RANBP2: variants seen among roughly 807,000 people sequenced by gnomAD.
RANBP2 encodes RAN binding protein 2.
Under a neutral mutation model 303.6 loss-of-function variants are expected in RANBP2, and 57 were observed. The observed-to-expected ratio is 0.19, with a 90% CI of 0.15 to 0.23. The LOEUF (loss-of-function observed/expected upper bound fraction) is 0.23, where lower values mean the gene tolerates loss of function less well. Among genes scored for constraint, RANBP2 ranks in the 10% least tolerant of loss-of-function variants. The pLI is 1.00. For missense variants in RANBP2, 3,138 were observed against 3,780.8 expected, an observed-to-expected ratio of 0.83 and a Z score of 4.46; for synonymous variants, 1,167 against 1,301.5, an observed-to-expected ratio of 0.90 and a Z score of 2.23.
the RANBP2 span, among the ~76,000 whole-genome samples, chr2:109,340,734 C>T: frequency 6.6e-6 from 1 of 152,162 alleles, no homozygotes; most frequent in Non-Finnish European, 1.5e-5. Flanking sequence ...TTATTCTCAG[C>T]ATACTAAGAA....
chr2:109,606,210 A>G, the RANBP2 span, among the ~76,000 whole-genome samples: 1 of 152,112 alleles, frequency 6.6e-6, no homozygotes, highest in African/African-American at 2.4e-5. Context: ...AAGTCAAGAG[A>G]TTGAGACCAC....
At chr2:109,355,031 G>C in the RANBP2 span, among the ~76,000 whole-genome samples, 1 of 152,192 alleles carries the variant, frequency 6.6e-6, no homozygotes, top group Non-Finnish European at 1.5e-5. Flanking sequence ...TATGTTCACA[G>C]CTCAGGCTTA....
the RANBP2 span, among the ~76,000 whole-genome samples, chr2:109,419,321 T>C: frequency 6.6e-6 from 1 of 152,168 alleles, no homozygotes; most frequent in African/African-American, 2.4e-5. Flanking sequence ...CTCCCTGAGC[T>C]GCTGGGAAGG....
the RANBP2 span, among the ~76,000 whole-genome samples, chr2:109,627,411 G>T: frequency 2.0e-5 from 3 of 152,152 alleles, no homozygotes; most frequent in African/African-American, 4.8e-5. Flanking sequence ...TGGCCGGGAT[G>T]GTTTCGAACC....
chr2:109,739,105 T>C, the RANBP2 span, among the ~76,000 whole-genome samples: 2 of 128,300 alleles, frequency 1.6e-5, no homozygotes, highest in African/African-American at 6.3e-5. Flanking sequence ...TTCTGTTCCA[T>C]TGGTCTATGT....
intron 1 of RANBP2, chr2:108,719,954 C>T (rs921437963): frequency 1.5e-5 from 15 of 985,270 alleles, no homozygotes; most frequent in Non-Finnish European, 1.7e-5. Context: ...CTGGGGCCGC[C>T]CTGGCCCGGG....
the RANBP2 span, among the ~76,000 whole-genome samples, chr2:109,554,258 A>G: frequency 6.6e-6 from 1 of 152,206 alleles, no homozygotes; most frequent in East Asian, 1.9e-4. Flanking sequence ...TCCTACCACG[A>G]TGTAATTCAA....
chr2:109,321,322 T>G, the RANBP2 span, among the ~76,000 whole-genome samples: 1 of 152,368 alleles, frequency 6.6e-6, no homozygotes, highest in South Asian at 2.1e-4. Context: ...AGAGCAAATG[T>G]GGCATGCAGA....
chr2:108,833,894 ATT>A, the RANBP2 span, among the ~76,000 whole-genome samples: 2 of 79,220 alleles, frequency 2.5e-5, no homozygotes, highest in African/African-American at 5.0e-5. Context: ...CGCCCGGCTA[ATT>A]TTTTTTTTTT....
chr2:109,390,475 G>T, the RANBP2 span, among the ~76,000 whole-genome samples: 1 of 151,898 alleles, frequency 6.6e-6, no homozygotes, highest in African/African-American at 2.4e-5. Flanking sequence ...CTTCTGGCAG[G>T]TCTTAATACT....
chr2:108,720,870 A>G (rs1694178443), intron 1 of RANBP2, among the ~76,000 whole-genome samples: 1 of 152,102 alleles, frequency 6.6e-6, no homozygotes, highest in South Asian at 2.1e-4. Flanking sequence ...ACATGTTGAT[A>G]CCTCGTCTCT....
chr2:108,744,568 TC>T (rs1222857889), intron 7 of RANBP2, among the ~76,000 whole-genome samples: 6 of 152,178 alleles, frequency 3.9e-5, no homozygotes, highest in Non-Finnish European at 5.9e-5. Context: ...ACATTTTGTT[TC>T]TTATTTTGTG....
the RANBP2 span, among the ~76,000 whole-genome samples, chr2:108,951,451 T>C: frequency 1.3e-5 from 2 of 152,222 alleles, no homozygotes. Flanking sequence ...TACTAGCACG[T>C]AGTGAACTCC....
chr2:109,566,613 A>G, the RANBP2 span, among the ~76,000 whole-genome samples: 1,447 of 152,296 alleles, frequency 9.5e-3, 65 homozygotes, highest in East Asian at 0.13. Flanking sequence ...AGTAGTACAC[A>G]AAGTCCCAAA....
At chr2:109,051,275 G>A in the RANBP2 span, among the ~76,000 whole-genome samples, 7 of 152,300 alleles carry the variant, frequency 4.6e-5, no homozygotes, top group Admixed American at 2.0e-4. Flanking sequence ...TTTCTTGTCT[G>A]TTCTGAGTTG....
At chr2:109,567,840 A>G in the RANBP2 span, 4 of 1,610,172 alleles carry the variant, frequency 2.5e-6, no homozygotes, top group African/African-American at 2.7e-5. Flanking sequence ...GACCTTAGCA[A>G]TAGTGTCATC....
chr2:108,965,269 A>C, the RANBP2 span, among the ~76,000 whole-genome samples: 10 of 152,068 alleles, frequency 6.6e-5, no homozygotes, highest in African/African-American at 1.9e-4. Context: ...TGAGGTCAGG[A>C]GATCGAGACC....
chr2:109,101,515 G>A, the RANBP2 span, among the ~76,000 whole-genome samples: 5 of 152,132 alleles, frequency 3.3e-5, no homozygotes, highest in Non-Finnish European at 7.4e-5. Flanking sequence ...GCTACAGAGC[G>A]AGACTCTGTC....
chr2:108,726,506 A>C (rs1371133488), intron 1 of RANBP2, among the ~76,000 whole-genome samples: 1 of 151,310 alleles, frequency 6.6e-6, no homozygotes, highest in African/African-American at 2.4e-5. Flanking sequence ...TAGAAGCGGC[A>C]GATCAGGGTG....
Sources: allele counts gnomAD v4.1 joint callset (sites outside exome capture counted in the v4.1 genomes callset), GRCh38; gene constraint gnomAD v4.1.1; transcripts MANE v1.5; gene names NCBI Gene and HGNC (gene_info 2026-07-23, HGNC 2026-07-21).